SMC2: variants seen among roughly 807,000 people sequenced by gnomAD.
The protein encoded by SMC2 is structural maintenance of chromosomes protein 2.
In SMC2, 41 loss-of-function variants were observed where a neutral mutation model predicts 142.6. The ratio of observed to expected loss-of-function variants is 0.29; its 90% CI spans 0.22 to 0.37. The LOEUF (loss-of-function observed/expected upper bound fraction) is 0.37, where lower values mean the gene tolerates loss of function less well. Among genes scored for constraint, SMC2 ranks in the 10% least tolerant of loss-of-function variants. The probability of loss-of-function intolerance (pLI) is 1.00; values close to 1 mark genes in which losing one functional copy is unlikely to be tolerated. For synonymous variants in SMC2, 463 were observed against 457.5 expected (o/e 1.01, Z -0.15); for missense variants, 1,265 against 1,373.7 (o/e 0.92, Z 1.25).
chr9:104,098,910 C>T (rs10512325), intron 4 of SMC2, among the ~76,000 whole-genome samples: 81,134 of 151,368 alleles, frequency 0.54, 22,517 homozygotes, highest in African/African-American at 0.57. Flanking sequence ...AGTATAAAAG[C>T]TTGAGTAATT....
In SMC2 at chr9:104,116,239, C is replaced by T. The variant is rs772638726; in HGVS notation, c.1711C>T (p.Arg571Cys). 24 of 1,606,172 alleles carry T rather than the reference C, an allele frequency of 1.5e-5. No homozygotes were observed. The highest frequency in any genetic ancestry group is 2.2e-5 in the South Asian group (2 of 89,318). Residue 571 changes from arginine (R) to cysteine (C), a missense_variant, in exon 14 of 25, where the codon CGT (arginine) becomes TGT (cysteine). By Grantham distance (180) the Arg-to-Cys change is radical (BLOSUM62 -3). This residue lies in a region of SMC2 where 898 missense variants were observed against 904.2 expected (regional missense o/e 0.99). Transcript: ENST00000374793. Reference protein sequence around the residue: ...KKLLERGELKRRYTIIPLNKI... With the variant: ...KKLLERGELKCRYTIIPLNKI... ...GCTACTAGAAAGGGGGGAACTGAAA[C>T]GTCGATACACTATAATTCCACTCAA...
At chr9:104,093,962 A>G (rs4742902), upstream of SMC2, among the ~76,000 whole-genome samples, 49,432 of 152,208 alleles carry the variant, frequency 0.32, 8,880 homozygotes, top group East Asian at 0.77. Flanking sequence ...AGTAAGCCAC[A>G]GCCAGCACCG....
chr9:104,129,372 C>G (rs779733502), intron 20 of SMC2, among the ~76,000 whole-genome samples: 1 of 151,934 alleles, frequency 6.6e-6, no homozygotes, highest in Non-Finnish European at 1.5e-5. Context: ...CGTGGTGGTA[C>G]ATACCTGTGA....
In SMC2 at chr9:104,116,337, T is replaced by A; in HGVS notation, c.1791+18T>A. The A allele has an allele frequency of 2.5e-6, 4 of 1,592,204 alleles. No individual in the cohort carries two copies. Among genetic ancestry groups the A allele is most frequent in the Non-Finnish European group, 2.6e-6 (3 of 1,171,840 alleles). On this transcript the variant is annotated intron_variant, in intron 14 of 24. Coordinates refer to ENST00000374793, the MANE Select transcript of SMC2 (RefSeq NM_006444.3). Reference sequence around the variant, plus strand: ...AGAATCTTGTAAGTCTCATTTTGTCTTATTTATATGTTTAATCGTCATCTG... The same window carrying A: ...AGAATCTTGTAAGTCTCATTTTGTCATATTTATATGTTTAATCGTCATCTG...
intron 21 of SMC2, among the ~76,000 whole-genome samples, chr9:104,130,608 G>A (rs991925007): frequency 2.6e-5 from 4 of 151,998 alleles, no homozygotes; most frequent in South Asian, 2.1e-4. Context: ...ACTGTTTTTG[G>A]CATGAATATG....
chr9:104,129,532 G>T (rs992990047), intron 20 of SMC2, 113 bp from the exon 21 acceptor site: 7 of 870,144 alleles, frequency 8.0e-6, no homozygotes, highest in East Asian at 4.9e-5. Flanking sequence ...GTCATTGAAG[G>T]TTTTTTCCTC....
chr9:104,120,723 A>T (rs1294771836), intron 16 of SMC2, among the ~76,000 whole-genome samples: 1 of 152,238 alleles, frequency 6.6e-6, no homozygotes, highest in East Asian at 1.9e-4. Flanking sequence ...ACTTTCCAAC[A>T]TCACTTCTAT....
At chr9:104,102,361 C>A (rs1831248037) in intron 8 of SMC2, 63 bp from the exon 9 acceptor site, 3 of 1,448,352 alleles carry the variant, frequency 2.1e-6, no homozygotes, top group Non-Finnish European at 2.8e-6. Flanking sequence ...AGAACTCATA[C>A]AATAAAATGA....
chr9:104,134,006 T>C (rs1168844949), intron 22 of SMC2, among the ~76,000 whole-genome samples: 1 of 152,060 alleles, frequency 6.6e-6, no homozygotes, highest in Non-Finnish European at 1.5e-5. Flanking sequence ...ATTTTGTGTT[T>C]TTTTTCCTCA....
At chr9:104,136,428 T>C (rs1006086690) in intron 23 of SMC2, among the ~76,000 whole-genome samples, 1 of 152,142 alleles carries the variant, frequency 6.6e-6, no homozygotes, top group Non-Finnish European at 1.5e-5. Flanking sequence ...CCAATATCTT[T>C]AGCTATATTT....
At chr9:104,097,763 T>A (rs957048130) in intron 3 of SMC2, among the ~76,000 whole-genome samples, 3 of 152,192 alleles carry the variant, frequency 2.0e-5, no homozygotes, top group Non-Finnish European at 4.4e-5. Context: ...GGAAAAGAAA[T>A]GAACTAACAT....
chr9:104,118,176 C>T lies in SMC2; in HGVS notation c.1797C>T (p.Gly599=). Residue 599 remains glycine (G), a synonymous_variant, in exon 15 of 25, where the codon GGC becomes GGT. Transcript: ENST00000374793. The part of the protein sequence containing the change: ...ETLRVAQNLV[G]PDNVHVALSL... ...TATCTGTTGTTGTCCCACAGGTTGG[C>T]CCTGACAACGTTCATGTGGCTCTTT... The T allele has an allele frequency of 6.2e-7, 1 of 1,613,442 alleles. No individual in the cohort carries two copies. The highest frequency in any genetic ancestry group is 8.5e-7 in the Non-Finnish European group (1 of 1,179,546).
At chr9:104,137,581 T>TG (rs1261283296) in intron 23 of SMC2, among the ~76,000 whole-genome samples, 72 of 152,300 alleles carry the variant, frequency 4.7e-4, no homozygotes, top group African/African-American at 1.6e-3. Context: ...TATGTAAGTG[T>TG]TTACATTATG....
rs560618125 is a variant in SMC2 at position 104,113,887 on chromosome 9, G to A, written c.1415-77G>A. ...ATTTTTTGCATGCTTTGGAAATAGT[G>A]GTTGCTAATATTTTCCTTAAAACAG... is the stretch of plus-strand genomic sequence containing the variant. On this transcript the variant is annotated intron_variant, in intron 11 of 24. Transcript: ENST00000374793. The A allele has an allele frequency of 6.2e-6, 5 of 809,902 alleles. No individual in the cohort carries two copies. In the Admixed American group the frequency reaches 1.4e-4, roughly 23 times the overall value. The allele number at this position is 809,902 out of a possible 1,614,324, so 50.2% of individuals were successfully genotyped here.
At chr9:104,126,539 TCTTA>T (rs1442177743) in intron 18 of SMC2, 98 bp from the exon 19 acceptor site, 2 of 828,146 alleles carry the variant, frequency 2.4e-6, no homozygotes, top group Non-Finnish European at 3.5e-6. Context: ...AAGCTGTGGG[TCTTA>T]CTTGCATGAG....
At chr9:104,110,653 G>A (rs1418930393) in intron 9 of SMC2, among the ~76,000 whole-genome samples, 2 of 152,132 alleles carry the variant, frequency 1.3e-5, no homozygotes, top group Admixed American at 1.3e-4. Flanking sequence ...GCTTCATGAT[G>A]TGACTCTTGG....
chr9:104,106,683 G>A (rs545318403), intron 9 of SMC2, among the ~76,000 whole-genome samples: 20 of 152,110 alleles, frequency 1.3e-4, no homozygotes, highest in Admixed American at 9.2e-4. Flanking sequence ...ATGAACCACC[G>A]CGCCTGGTCC....
intron 17 of SMC2, 81 bp from the exon 18 acceptor site, chr9:104,124,831 A>G: frequency 9.2e-7 from 1 of 1,086,862 alleles, no homozygotes; most frequent in Non-Finnish European, 1.3e-6. Flanking sequence ...TAATTTTCCA[A>G]ACCATTTCTT....
Position 104,097,190 on chromosome 9 carries a change from G to T in SMC2, c.318+893G>T, listed in dbSNP as rs572510257. 4.3e-5 allele frequency among the ~76,000 whole-genome samples: 6 copies of T among 138,278 alleles called. No individual in the cohort carries two copies. The Admixed American group carries it at 4.6e-4, about 11-fold the overall frequency. The allele number at this position is 138,278 out of a possible 152,430, so 90.7% of individuals were successfully genotyped here. ...TTACCCAGGCTGGTCTCCATCTCCC[G>T]GGTTCAAGAGATTCTTCTGCCTCAG... On this transcript the variant is annotated intron_variant, in intron 3 of 24. Coordinates refer to ENST00000374793, the MANE Select transcript of SMC2 (RefSeq NM_006444.3).
Sources: gnomAD v4.1 joint callset for allele counts (sites outside exome capture counted in the v4.1 genomes callset) on GRCh38, gnomAD v4.1.1 for gene constraint, gnomAD v4.1.1 regional missense constraint, MANE v1.5 for transcripts, NCBI Gene and HGNC (gene_info 2026-07-23, HGNC 2026-07-21) for gene names.